Variants in NR1H2 observed in about 807,000 individuals in gnomAD.
NR1H2 encodes oxysterols receptor LXR-beta.
NR1H2 carries 33 observed loss-of-function variants against 51.2 expected under a neutral mutation model. The observed-to-expected ratio is 0.64, with a 90% CI of 0.49 to 0.86. The LOEUF (loss-of-function observed/expected upper bound fraction) is 0.86. NR1H2 is among the 40% of genes least tolerant of loss of function. NR1H2 has a pLI of 0.00. For missense variants in NR1H2, 592 were observed against 639.9 expected (o/e 0.93, Z 0.81); for synonymous variants, 310 against 264.3 (o/e 1.17, Z -1.68).
In NR1H2 at chr19:50,379,312, A is replaced by G. The variant is rs964856142; in HGVS notation, c.927+131A>G. The G allele has an allele frequency of 4.0e-6, 4 of 1,004,284 alleles. No individual in the cohort carries two copies. The East Asian group carries it at 1.0e-4, about 26-fold the overall frequency. 62.2% of individuals were successfully genotyped at this position (1,004,284 alleles called of 1,614,324 possible). A position where few individuals can be genotyped will look rare whatever the true frequency, so the allele number is the denominator to read the frequency against. Reference sequence around the variant, plus strand: ...CGGCGAATAGAGTCTTCTATGAGCCAAGGAGAGAAAGGAAAAAGGGTCTGA... The same window carrying G: ...CGGCGAATAGAGTCTTCTATGAGCCGAGGAGAGAAAGGAAAAAGGGTCTGA... On this transcript the variant is annotated intron_variant, in intron 7 of 9. Coordinates refer to ENST00000253727, the MANE Select transcript of NR1H2 (RefSeq NM_007121.7).
Position 50,377,667 on chromosome 19 carries a change from C to G in NR1H2, c.43+19C>G. 3 of 1,611,228 alleles carry G rather than the reference C, an allele frequency of 1.9e-6. No individual in the cohort carries two copies. Among genetic ancestry groups the G allele is most frequent in the Non-Finnish European group, 2.5e-6 (3 of 1,178,530 alleles). On this transcript the variant is annotated intron_variant, in intron 3 of 9. Transcript: ENST00000253727. Reference sequence around the variant, plus strand: ...CTGCCTGGTGAGTGACTCTCTTCCCCACCCAGCCCTTATCACACACGAGCA... The same window carrying G: ...CTGCCTGGTGAGTGACTCTCTTCCCGACCCAGCCCTTATCACACACGAGCA...
In NR1H2 at chr19:50,378,790, A is replaced by G; in HGVS notation, c.741A>G (p.Lys247=). Residue 247 remains lysine, a synonymous_variant, in exon 6 of 10, where the codon AAA becomes AAG. Transcript: ENST00000253727. ...CNKRSFSDQP[K]VTPWPLGADP... is the part of the protein sequence containing the mutation. ...AACGCTCCTTCTCCGACCAGCCCAA[A>G]GTCACGGTACTGCCCCCTCCACAAC... 6.2e-7 allele frequency: 1 copy of G among 1,613,286 alleles called. No homozygotes were observed. The highest frequency in any genetic ancestry group is 8.5e-7 in the Non-Finnish European group (1 of 1,179,836).
chr19:50,378,055 T>C (rs2037698083), intron 4 of NR1H2, 94 bp from the exon 5 acceptor site: 1 of 1,446,902 alleles, frequency 6.9e-7, no homozygotes, highest in Non-Finnish European at 9.3e-7. Flanking sequence ...CCCTCCATCC[T>C]CTGGCTCTTT....
chr19:50,381,185 C>G (rs2037759818), intron 8 of NR1H2, among the ~76,000 whole-genome samples: 1 of 152,228 alleles, frequency 6.6e-6, no homozygotes, highest in South Asian at 2.1e-4. Flanking sequence ...ACCAACTGGT[C>G]CTAGTTTGCC....
At chr19:50,380,643 C>T (rs2052246332) in intron 8 of NR1H2, among the ~76,000 whole-genome samples, 1 of 152,104 alleles carries the variant, frequency 6.6e-6, no homozygotes, top group Admixed American at 6.5e-5. Flanking sequence ...TTAGTATGAG[C>T]TTAGCAGGGC....
chr19:50,378,864 A>G, intron 6 of NR1H2, 68 bp downstream of exon 6: 1 of 1,570,830 alleles, frequency 6.4e-7, no homozygotes, highest in Non-Finnish European at 8.7e-7. Flanking sequence ...GCCATCACCC[A>G]GGGTGTGGGA....
At chr19:50,381,846 A>G in intron 8 of NR1H2, 120 bp from the exon 9 acceptor site, 2 of 856,328 alleles carry the variant, frequency 2.3e-6, no homozygotes, top group Non-Finnish European at 3.6e-6. Context: ...GACAGAAATG[A>G]CAAGAACGCT....
intron 8 of NR1H2, among the ~76,000 whole-genome samples, chr19:50,380,458 A>G (rs1024625118): frequency 2.0e-5 from 3 of 152,080 alleles, no homozygotes; most frequent in Admixed American, 2.0e-4. Flanking sequence ...TGCCTAGGAA[A>G]AGGGTGGGAG....
intron 7 of NR1H2, 119 bp downstream of exon 7, chr19:50,379,300 C>T: frequency 1.8e-6 from 2 of 1,092,310 alleles, no homozygotes; most frequent in Non-Finnish European, 2.6e-6. Context: ...CGAATAGAGT[C>T]TTCTATGAGC....
intron 9 of NR1H2, 54 bp downstream of exon 9, chr19:50,382,228 G>A: frequency 6.9e-7 from 1 of 1,458,820 alleles, no homozygotes; most frequent in South Asian, 1.4e-5. Flanking sequence ...CGGCCCACGT[G>A]GTCCGTTCAG....
chr19:50,379,742 C>T, intron 7 of NR1H2, 38 bp from the exon 8 acceptor site: 1 of 1,359,822 alleles, frequency 7.4e-7, no homozygotes, highest in Non-Finnish European at 1.1e-6. Context: ...GCTGAAGGGT[C>T]ACAGGGCTCA....
At chr19:50,377,965 CT>C in intron 4 of NR1H2, 95 bp downstream of exon 4, 1 of 1,470,674 alleles carries the variant, frequency 6.8e-7, no homozygotes, top group South Asian at 1.4e-5. Context: ...CTGATCTTTG[CT>C]TTTTGTTCTT....
rs1013329531 is a variant in NR1H2, at chr19:50,376,762, C to G, written c.-84C>G. 16 of 152,234 alleles carry G rather than the reference C, an allele frequency of 1.1e-4. No individual in the cohort carries two copies. In the East Asian group the frequency reaches 3.1e-3, roughly 30 times the overall value. The allele number at this position is 152,234 out of a possible 1,614,324, so 9.4% of individuals were successfully genotyped here. A position where few individuals can be genotyped will look rare whatever the true frequency, so the allele number is the denominator to read the frequency against. On this transcript the variant is annotated 5_prime_UTR_variant, in exon 2 of 10. Coordinates refer to ENST00000253727, the MANE Select transcript of NR1H2 (RefSeq NM_007121.7). Reference sequence around the variant, plus strand: ...CTCCGCGAGAGGCCGTCCACGAGACCCCCGCGCGCAGCCATGAGCCCCGCC... The same window carrying G: ...CTCCGCGAGAGGCCGTCCACGAGACGCCCGCGCGCAGCCATGAGCCCCGCC...
At chr19:50,380,001 C>T in intron 8 of NR1H2, 122 bp downstream of exon 8, 1 of 713,566 alleles carries the variant, frequency 1.4e-6, no homozygotes, top group Admixed American at 2.1e-5. Context: ...AGGGTTGAGC[C>T]AAGGTGAGAG....
chr19:50,379,267 C>G (rs879231600), intron 7 of NR1H2, 86 bp downstream of exon 7: 2 of 1,378,984 alleles, frequency 1.5e-6, no homozygotes, highest in Non-Finnish European at 2.0e-6. Context: ...CAGTGCTTGC[C>G]GTTGTAGGAT....
rs926893384 is a variant in NR1H2 at position 50,383,354 on chromosome 19, A to G, written c.*752A>G. Among the ~76,000 whole-genome samples the G allele has an allele frequency of 6.6e-6, 1 of 152,274 alleles. No homozygotes were observed. The highest frequency in any genetic ancestry group is 1.5e-5 in the Non-Finnish European group (1 of 68,046). On this transcript the variant is annotated 3_prime_UTR_variant, in exon 10 of 10. Coordinates refer to ENST00000253727, the MANE Select transcript of NR1H2 (RefSeq NM_007121.7). ...ACTGGGTTGGCCATTCTAGAGATGG[A>G]GACATTCACCCAATAAATGTTTCCA... is the stretch of plus-strand genomic sequence containing the variant.
At position 50,378,769 on chromosome 19, in the gene NR1H2, C is replaced by G; in HGVS notation, c.720C>G (p.Arg240=). 6.2e-7 allele frequency: 1 copy of G among 1,613,786 alleles called. No homozygotes were observed. Among genetic ancestry groups the G allele is most frequent in the East Asian group, 2.2e-5 (1 of 44,882 alleles). The part of the protein sequence containing the change: ...LVAAQLQCNK[R]SFSDQPKVTP... Reference sequence around the variant, plus strand: ...CGGCCCAACTGCAGTGCAACAAACGCTCCTTCTCCGACCAGCCCAAAGTCA... The same window carrying G: ...CGGCCCAACTGCAGTGCAACAAACGGTCCTTCTCCGACCAGCCCAAAGTCA... The change falls in exon 6 of 10, where the codon CGC becomes CGG. Residue 240 remains arginine, a synonymous_variant. Coordinates refer to ENST00000253727, the MANE Select transcript of NR1H2 (RefSeq NM_007121.7).
In NR1H2 at chr19:50,382,050, T is replaced by G; in HGVS notation, c.1112T>G (p.Leu371Arg). The G allele has an allele frequency of 6.4e-7, 1 of 1,560,848 alleles. No homozygotes were observed. Among genetic ancestry groups the G allele is most frequent in the Non-Finnish European group, 8.7e-7 (1 of 1,152,422 alleles). ...RLGLDDAEYA[L>R]LIAINIFSAD... is the part of the protein sequence containing the mutation. ...GGCCTGGACGACGCTGAGTACGCCC[T>G]GCTCATCGCCATCAACATCTTCTCG... is the stretch of plus-strand genomic sequence containing the variant. The change falls in exon 9 of 10, where the codon CTG becomes CGG. Residue 371 changes from leucine to arginine, a missense_variant. By Grantham distance (102) the Leu-to-Arg change is moderately radical. This residue lies in a region of NR1H2 where 174 missense variants were observed against 174.0 expected (regional missense o/e 1.00). Transcript: ENST00000253727.
At position 50,377,640 on chromosome 19, in the gene NR1H2, C is replaced by T. The variant is rs370921542; in HGVS notation, c.35C>T (p.Pro12Leu). ...SSPTTSSLDT[P>L]LPGNGPPQPG... is the part of the protein sequence containing the mutation. ...CCTACCACGAGTTCCCTGGATACCC[C>T]CCTGCCTGGTGAGTGACTCTCTTCC... Residue 12 changes from proline (P) to leucine (L), a missense_variant, in exon 3 of 10, where the codon CCC (proline) becomes CTC (leucine). Coordinates refer to ENST00000253727, the MANE Select transcript of NR1H2 (RefSeq NM_007121.7). 1 of 1,613,744 alleles carries T rather than the reference C, an allele frequency of 6.2e-7. No individual in the cohort carries two copies. Among genetic ancestry groups the T allele is most frequent in the Non-Finnish European group, 8.5e-7 (1 of 1,179,762 alleles).
Sources: allele counts gnomAD v4.1 joint callset (sites outside exome capture counted in the v4.1 genomes callset), GRCh38; gene constraint gnomAD v4.1.1; regional missense constraint gnomAD v4.1.1; transcripts MANE v1.5; gene names NCBI Gene and HGNC (gene_info 2026-07-23, HGNC 2026-07-21).